Variants in ZNF735 observed in about 807,000 individuals in gnomAD.
The protein encoded by ZNF735 is putative zinc finger protein 735.
ZNF735 carries 11 observed loss-of-function variants against 13.4 expected under a neutral mutation model. The ratio of observed to expected loss-of-function variants is 0.82; its 90% CI spans 0.52 to 1.36. The LOEUF (loss-of-function observed/expected upper bound fraction) is 1.36. ZNF735 is among the 40% of genes most tolerant of loss of function. The pLI is 0.00. For synonymous variants in ZNF735, 171 were observed against 162.6 expected (o/e 1.05, Z -0.39); for missense variants, 500 against 484.6 (o/e 1.03, Z -0.30).
chr7:64,219,871 T>A (rs1489958546), exon 4 of ZNF735: 9 of 1,613,938 alleles, frequency 5.6e-6, no homozygotes, highest in Middle Eastern at 1.7e-4. Context: ...ATGTGAAGAA[T>A]GTGGCCAAGC....
At chr7:64,219,955 T>C (rs777700416) in exon 4 of ZNF735, 4 of 1,613,836 alleles carry the variant, frequency 2.5e-6, no homozygotes, top group African/African-American at 2.7e-5. Flanking sequence ...ATGTGAAGAA[T>C]GTGGCAAAGC....
exon 4 of ZNF735, chr7:64,219,540 C>A (rs1316478576): frequency 1.3e-6 from 2 of 1,594,796 alleles, no homozygotes; most frequent in African/African-American, 2.7e-5. Flanking sequence ...ATAAATGTGT[C>A]AAAGTCTTCA....
exon 4 of ZNF735, chr7:64,219,348 A>G: frequency 6.2e-7 from 1 of 1,613,680 alleles, no homozygotes; most frequent in Non-Finnish European, 8.5e-7. Flanking sequence ...ACCTTCAGCC[A>G]GAGCAGAGCA....
At chr7:64,208,914 C>A (rs1215850744) in intron 1 of ZNF735, among the ~76,000 whole-genome samples, 1 of 152,202 alleles carries the variant, frequency 6.6e-6, no homozygotes, top group African/African-American at 2.4e-5. Context: ...TTTCTTATAG[C>A]CGCATCATAT....
At chr7:64,214,645 T>C (rs1292187549) in intron 3 of ZNF735, among the ~76,000 whole-genome samples, 2 of 152,054 alleles carry the variant, frequency 1.3e-5, no homozygotes, top group Non-Finnish European at 2.9e-5. Context: ...TATTTATTTA[T>C]TTAAAGGGTG....
intron 1 of ZNF735, among the ~76,000 whole-genome samples, chr7:64,210,454 G>T (rs1787342052): frequency 6.6e-6 from 1 of 152,198 alleles, no homozygotes; most frequent in Non-Finnish European, 1.5e-5. Flanking sequence ...CAGGGGACTT[G>T]TTGAAAAAGC....
intron 3 of ZNF735, among the ~76,000 whole-genome samples, chr7:64,216,857 T>C (rs1342104212): frequency 1.3e-5 from 2 of 152,156 alleles, no homozygotes; most frequent in Non-Finnish European, 2.9e-5. Context: ...CCTACCACCT[T>C]TGCCTCCCAA....
chr7:64,212,663 C>T (rs1787374712), intron 1 of ZNF735, among the ~76,000 whole-genome samples: 1 of 151,824 alleles, frequency 6.6e-6, no homozygotes, highest in African/African-American at 2.4e-5. Context: ...CGTGGTGGCC[C>T]ATGCCTGTAT....
chr7:64,213,352 G>A lies in ZNF735; in HGVS notation c.166+134G>A, dbSNP rs1274502687. The stretch of plus-strand genomic sequence containing the variant: ...AAGAAAATCTTGGGGATTCATTGGT[G>A]TAGATTAAATTCTTCAAGATGTTTT... On this transcript the variant is annotated intron_variant, in intron 2 of 3. Transcript: ENST00000429565. 2.8e-5 allele frequency: 25 copies of A among 903,822 alleles called. No homozygotes were observed. In the East Asian group the frequency reaches 5.7e-4, roughly 21 times the overall value. 56.0% of individuals were successfully genotyped at this position (903,822 alleles called of 1,614,324 possible).
intron 1 of ZNF735, among the ~76,000 whole-genome samples, chr7:64,209,153 G>A (rs1171757493): frequency 2.0e-5 from 3 of 151,236 alleles, no homozygotes; most frequent in African/African-American, 4.8e-5. Flanking sequence ...TTTTCTCAAT[G>A]GTTAAACAAA....
At chr7:64,212,092 C>G (rs1233569087) in intron 1 of ZNF735, among the ~76,000 whole-genome samples, 1 of 152,048 alleles carries the variant, frequency 6.6e-6, no homozygotes, top group African/African-American at 2.4e-5. Context: ...AATTATTATT[C>G]TCTTAATTAT....
At chr7:64,214,035 C>A in exon 3 of ZNF735, 1 of 1,599,310 alleles carries the variant, frequency 6.3e-7, no homozygotes, top group Non-Finnish European at 8.5e-7. Context: ...CTAAGCCAGA[C>A]TTGATCGCCT....
In ZNF735 at chr7:64,207,234, G is replaced by A. The variant is rs761530343; in HGVS notation, c.32G>A (p.Arg11Gln). 61 of 1,614,168 alleles carry A rather than the reference G, an allele frequency of 3.8e-5. No individual in the cohort carries two copies. The South Asian group carries it at 5.6e-4, about 15-fold the overall frequency. ...AAAAGACCGGGACCCCCTGGAAGCC[G>A]AGAAATGGTGAGTGCTGGGTCTGTC... is the stretch of plus-strand genomic sequence containing the variant. Residue 11 changes from arginine (R) to glutamine (Q), a missense_variant, in exon 1 of 4, where the codon CGA (arginine) becomes CAA (glutamine). By Grantham distance (43) the Arg-to-Gln change is conservative. Transcript: ENST00000429565.
exon 3 of ZNF735, chr7:64,214,063 G>A (rs1203020282): frequency 3.7e-6 from 6 of 1,600,492 alleles, no homozygotes; most frequent in Non-Finnish European, 5.1e-6. Flanking sequence ...GCAAAATAAA[G>A]AGCCCCAGAA....
intron 1 of ZNF735, among the ~76,000 whole-genome samples, chr7:64,211,990 C>G (rs1463571822): frequency 1.3e-5 from 2 of 151,664 alleles, no homozygotes; most frequent in African/African-American, 4.8e-5. Flanking sequence ...GTGTGTGCAT[C>G]AGCACATAAT....
At chr7:64,210,167 T>A (rs561074852) in intron 1 of ZNF735, among the ~76,000 whole-genome samples, 3 of 152,350 alleles carry the variant, frequency 2.0e-5, no homozygotes, top group Admixed American at 6.5e-5. Flanking sequence ...GATATGCTCC[T>A]GAGCACATAG....
exon 4 of ZNF735, chr7:64,219,894 C>T (rs1167777547): frequency 8.7e-6 from 14 of 1,613,862 alleles, no homozygotes; most frequent in Non-Finnish European, 1.1e-5. Context: ...TTAGGCGCTC[C>T]TCAACACTTA....
chr7:64,214,391 G>A (rs1273017500), intron 3 of ZNF735, among the ~76,000 whole-genome samples: 2 of 152,098 alleles, frequency 1.3e-5, no homozygotes, highest in Non-Finnish European at 2.9e-5. Context: ...ATCAGGGACT[G>A]CACAAACTGA....
At chr7:64,217,516 G>T (rs6970979) in intron 3 of ZNF735, among the ~76,000 whole-genome samples, 3 of 151,658 alleles carry the variant, frequency 2.0e-5, no homozygotes, top group Non-Finnish European at 4.4e-5. Context: ...ATTATTGAAA[G>T]TGAGGTCTTA....
Sources: allele counts gnomAD v4.1 joint callset (sites outside exome capture counted in the v4.1 genomes callset), GRCh38; gene constraint gnomAD v4.1.1; transcripts MANE v1.5; gene names NCBI Gene and HGNC (gene_info 2026-07-23, HGNC 2026-07-21).